The following LMLN variants were observed in gnomAD, a reference collection of about 807,000 sequenced individuals.
LMLN encodes leishmanolysin-like peptidase.
LMLN carries 70 observed loss-of-function variants against 92.3 expected under a neutral mutation model. The observed-to-expected ratio is 0.76, with a 90% CI of 0.63 to 0.92. LMLN has a LOEUF of 0.92. Ranked by LOEUF, LMLN falls within the 40% of genes least tolerant of loss-of-function variation. LMLN has a pLI of 0.00. For missense variants in LMLN, 691 were observed against 814.6 expected (o/e 0.85, Z 1.85); for synonymous variants, 308 against 296.2 (o/e 1.04, Z -0.41).
intron 14 of LMLN, among the ~76,000 whole-genome samples, chr3:198,029,787 G>A (rs902960977): frequency 6.6e-6 from 1 of 152,092 alleles, no homozygotes; most frequent in Non-Finnish European, 1.5e-5. Flanking sequence ...TTGTTGTTTT[G>A]TTGGGGGTGG....
chr3:197,968,309 A>T (rs1293934986), intron 1 of LMLN, among the ~76,000 whole-genome samples: 1 of 147,102 alleles, frequency 6.8e-6, no homozygotes. Flanking sequence ...TACTAAAAAT[A>T]AAAAAAAAAA....
chr3:198,025,674 A>G lies in LMLN; in HGVS notation c.1656+886A>G, dbSNP rs1230500777. On this transcript the variant is annotated intron_variant, in intron 14 of 15. Transcript: ENST00000330198. The surrounding 1 kb of genome is among the most constrained non-coding windows in gnomAD (Gnocchi z 4.3). ...TGGCGGCCACCATGCCTCGCCTACT[A>G]TTTCCTTAATTATCTTATTTGCACA... 6.6e-6 allele frequency among the ~76,000 whole-genome samples: 1 copy of G among 152,168 alleles called. No homozygotes were observed. The highest frequency in any genetic ancestry group is 1.9e-4 in the East Asian group (1 of 5,190).
rs541256308 is a variant in LMLN at position 197,964,995 on chromosome 3, G to C, written c.219+4555G>C. 3.0e-4 allele frequency among the ~76,000 whole-genome samples: 43 copies of C among 143,292 alleles called. No individual in the cohort carries two copies. The East Asian group carries it at 8.3e-3, about 28-fold the overall frequency. 94.0% of individuals were successfully genotyped at this position (143,292 alleles called of 152,430 possible). On this transcript the variant is annotated intron_variant, in intron 1 of 15. Transcript: ENST00000330198. ...GCATTCCAGCCTGGGCGACAAGAGCGAAACTCTGTCTCAAAAAAAAAAAAA... is the reference window on the plus strand; with the variant it reads ...GCATTCCAGCCTGGGCGACAAGAGCCAAACTCTGTCTCAAAAAAAAAAAAA...
chr3:198,012,395 A>T (rs888343671), intron 11 of LMLN, among the ~76,000 whole-genome samples: 5 of 152,198 alleles, frequency 3.3e-5, no homozygotes, highest in African/African-American at 1.2e-4. Flanking sequence ...CACAAATGTC[A>T]GTTAAGTCCT....
intron 15 of LMLN, among the ~76,000 whole-genome samples, chr3:198,036,400 C>G (rs941283227): frequency 2.6e-5 from 4 of 152,030 alleles, no homozygotes; most frequent in African/African-American, 9.7e-5. Context: ...ATATTTTAGT[C>G]ATATCATAAT....
chr3:197,976,041 C>A (rs770004181), exon 4 of LMLN: 2 of 1,594,016 alleles, frequency 1.3e-6, no homozygotes, highest in Non-Finnish European at 1.7e-6. Context: ...CAAGCTTTTC[C>A]CACAAGCGAT....
At chr3:198,009,866 A>G (rs1378669647) in intron 11 of LMLN, among the ~76,000 whole-genome samples, 1 of 152,210 alleles carries the variant, frequency 6.6e-6, no homozygotes, top group Non-Finnish European at 1.5e-5. Flanking sequence ...TTAATGGGGT[A>G]AATGAGATAT....
chr3:198,013,233 T>A (rs1202675744), intron 11 of LMLN, among the ~76,000 whole-genome samples: 1 of 110,626 alleles, frequency 9.0e-6, no homozygotes, highest in Non-Finnish European at 1.7e-5. Flanking sequence ...CTAGTCTGAC[T>A]TCTCTGTACC....
intron 1 of LMLN, among the ~76,000 whole-genome samples, chr3:197,965,267 C>T (rs1721024467): frequency 6.6e-6 from 1 of 152,224 alleles, no homozygotes; most frequent in African/African-American, 2.4e-5. Flanking sequence ...AATCCTCCTG[C>T]TTCAGCCTCC....
chr3:197,976,897 C>G (rs1721399548), intron 5 of LMLN, among the ~76,000 whole-genome samples, 182 bp downstream of exon 5: 2 of 152,194 alleles, frequency 1.3e-5, no homozygotes, highest in Admixed American at 1.3e-4. Flanking sequence ...ATGGTATTTT[C>G]TTTCTTCACT....
rs1304619010 is a variant in LMLN, at chr3:198,025,852, G to A, written c.1656+1064G>A. Among the ~76,000 whole-genome samples the A allele has an allele frequency of 6.6e-6, 1 of 152,204 alleles. No individual in the cohort carries two copies. Among genetic ancestry groups the A allele is most frequent in the Non-Finnish European group, 1.5e-5 (1 of 68,022 alleles). On this transcript the variant is annotated intron_variant, in intron 14 of 15. Coordinates refer to ENST00000330198, the Ensembl canonical transcript of LMLN. The surrounding 1 kb of genome is among the most constrained non-coding windows in gnomAD (Gnocchi z 4.3). ...TGAGAAATGCAGAATCAGCATTCCTGTGCCATTTCAGCTGCAAGAGCTAAA... is the reference window on the plus strand; with the variant it reads ...TGAGAAATGCAGAATCAGCATTCCTATGCCATTTCAGCTGCAAGAGCTAAA...
At chr3:198,036,267 G>A (rs1334408784) in intron 15 of LMLN, among the ~76,000 whole-genome samples, 2 of 152,184 alleles carry the variant, frequency 1.3e-5, no homozygotes, top group Non-Finnish European at 2.9e-5. Context: ...CCTTTCTGGT[G>A]AAGAACCTCT....
At chr3:198,003,387 A>G (rs1167207181) in intron 11 of LMLN, among the ~76,000 whole-genome samples, 2 of 152,176 alleles carry the variant, frequency 1.3e-5, no homozygotes, top group East Asian at 1.9e-4. Context: ...ACTCATAAAT[A>G]TATATATTTT....
At chr3:198,035,808 A>C in intron 14 of LMLN, 25 bp from the exon 16 acceptor site, 2 of 1,510,430 alleles carry the variant, frequency 1.3e-6, no homozygotes, top group Non-Finnish European at 1.8e-6. Context: ...TTATTTTTAT[A>C]TATCTATTTT....
chr3:197,984,033 G>A, exon 7 of LMLN: 1 of 1,607,600 alleles, frequency 6.2e-7, no homozygotes, highest in Non-Finnish European at 8.5e-7. Flanking sequence ...TGAAACATGA[G>A]GTTATTCATG....
intron 5 of LMLN, 115 bp from the exon 6 acceptor site, chr3:197,980,211 G>T: frequency 1.3e-6 from 1 of 798,848 alleles, no homozygotes; most frequent in East Asian, 2.5e-5. Flanking sequence ...AAAGTTTAGG[G>T]ATAATAAAGA....
Position 198,002,948 on chromosome 3 carries a change from A to G in LMLN, c.1232+3606A>G, listed in dbSNP as rs567057763. 9.9e-4 allele frequency: 857 copies of G among 866,364 alleles called. 24 individuals are homozygous for G. The South Asian group carries it at 0.012, about 13-fold the overall frequency. The allele number at this position is 866,364 out of a possible 1,614,324, so 53.7% of individuals were successfully genotyped here. On this transcript the variant is annotated intron_variant, in intron 11 of 15. Coordinates refer to ENST00000330198, the Ensembl canonical transcript of LMLN. ...AATGTGCTCATTGTTGAGATTCTCA[A>G]TTGTTATGCTAGAGTTGTTTTTGAA...
rs1722716080 is a variant in LMLN at position 198,019,159 on chromosome 3, A to G, written c.1233-94A>G. On this transcript the variant is annotated intron_variant, in intron 11 of 15. Coordinates refer to ENST00000330198, the Ensembl canonical transcript of LMLN. This position sits in a 1 kb window ranked among gnomAD's most constrained non-coding sequence, Gnocchi z 5.5. Reference sequence around the variant, plus strand: ...GTTAATTATGAAGGTTTGTATTTTTAGGCCAGGATCTGGAATTCCATTTGT... The same window carrying G: ...GTTAATTATGAAGGTTTGTATTTTTGGGCCAGGATCTGGAATTCCATTTGT... The G allele has an allele frequency of 1.6e-6, 2 of 1,246,830 alleles. No individual in the cohort carries two copies. Among genetic ancestry groups the G allele is most frequent in the East Asian group, 4.9e-5 (2 of 40,966 alleles). 77.2% of individuals were successfully genotyped at this position (1,246,830 alleles called of 1,614,324 possible). A position where few individuals can be genotyped will look rare whatever the true frequency, so the allele number is the denominator to read the frequency against.
intron 9 of LMLN, 122 bp downstream of exon 9, chr3:197,990,798 T>C: frequency 3.6e-6 from 2 of 560,182 alleles, no homozygotes; most frequent in East Asian, 2.8e-5. Context: ...GGAAAAGTCA[T>C]ATAAAGGGAA....
Sources: allele counts gnomAD v4.1 joint callset (sites outside exome capture counted in the v4.1 genomes callset), GRCh38; gene constraint gnomAD v4.1.1; non-coding constraint Gnocchi (gnomAD v3.1); transcripts MANE v1.5; gene names NCBI Gene and HGNC (gene_info 2026-07-23, HGNC 2026-07-21).